The following GABRD variants were observed in gnomAD, a reference collection of about 807,000 sequenced individuals.
GABRD encodes gamma-aminobutyric acid type A receptor subunit delta, also known as gamma-aminobutyric acid receptor subunit delta.
Under a neutral mutation model 47.3 loss-of-function variants are expected in GABRD, and 25 were observed. That is an observed-to-expected ratio of 0.53 (90% CI 0.39 to 0.74). The LOEUF is 0.74. Among genes scored for constraint, GABRD ranks in the 30% least tolerant of loss-of-function variants. The probability of loss-of-function intolerance (pLI) is 0.00; values close to 1 mark genes in which losing one functional copy is unlikely to be tolerated. For missense variants in GABRD, 497 were observed against 643.4 expected, an observed-to-expected ratio of 0.77 and a Z score of 2.46; for synonymous variants, 314 against 278.8, an observed-to-expected ratio of 1.13 and a Z score of -1.26.
In GABRD at chr1:2,030,348, G is replaced by A. The variant is rs1659056565; in HGVS notation, c.*66G>A. 2 of 1,409,960 alleles carry A rather than the reference G, an allele frequency of 1.4e-6. No individual in the cohort carries two copies. The highest frequency in any genetic ancestry group is 1.9e-6 in the Non-Finnish European group (2 of 1,059,144). 87.3% of individuals were successfully genotyped at this position (1,409,960 alleles called of 1,614,324 possible). On this transcript the variant is annotated 3_prime_UTR_variant, in exon 9 of 9. Coordinates refer to ENST00000378585, the MANE Select transcript of GABRD (RefSeq NM_000815.5). ...CGGCAGCTGCCCAGAAACTTCCTGGGAGAAAGAGCCCTCGGGCTGCCTTCC... is the reference window on the plus strand; with the variant it reads ...CGGCAGCTGCCCAGAAACTTCCTGGAAGAAAGAGCCCTCGGGCTGCCTTCC...
intron 7 of GABRD, 79 bp from the exon 8 acceptor site, chr1:2,029,472 C>T (rs1442414046): frequency 8.9e-6 from 14 of 1,566,702 alleles, no homozygotes; most frequent in East Asian, 4.5e-5. Flanking sequence ...GACCCTCATC[C>T]GTGGGTCACA....
Position 2,029,612 on chromosome 1 carries a change from G to T in GABRD, c.909G>T (p.Arg303=). Residue 303 remains arginine, a synonymous_variant, in exon 8 of 9, where the codon CGG becomes CGT. Transcript: ENST00000378585. Reference sequence around the variant, plus strand: ...TCAGTGCCCGCTCCTCCCTGCCACGGGCATCAGCCATCAAGGCACTGGACG... The same window carrying T: ...TCAGTGCCCGCTCCTCCCTGCCACGTGCATCAGCCATCAAGGCACTGGACG... ...LMVSARSSLP[R]ASAIKALDVY... 1 of 1,613,274 alleles carries T rather than the reference G, an allele frequency of 6.2e-7. No homozygotes were observed. Among genetic ancestry groups the T allele is most frequent in the Non-Finnish European group, 8.5e-7 (1 of 1,180,002 alleles).
In GABRD at chr1:2,028,406, C is replaced by A; in HGVS notation, c.691+114C>A. On this transcript the variant is annotated intron_variant, in intron 6 of 8. Transcript: ENST00000378585. This position sits in a 1 kb window ranked among gnomAD's most constrained non-coding sequence, Gnocchi z 6.4. ...TCCGCGTGCGCCCGCCTGTGGTTTTCATGCTTTTTAGTCAAGCGCCCGCAG... is the reference window on the plus strand; with the variant it reads ...TCCGCGTGCGCCCGCCTGTGGTTTTAATGCTTTTTAGTCAAGCGCCCGCAG... The A allele has an allele frequency of 8.3e-7, 1 of 1,208,666 alleles. No homozygotes were observed. The highest frequency in any genetic ancestry group is 2.2e-5 in the South Asian group (1 of 44,644). 74.9% of individuals were successfully genotyped at this position (1,208,666 alleles called of 1,614,324 possible).
Position 2,028,402 on chromosome 1 carries a change from T to C in GABRD, c.691+110T>C, listed in dbSNP as rs925005968. 1.2e-5 allele frequency: 14 copies of C among 1,208,330 alleles called. No individual in the cohort carries two copies. The highest frequency in any genetic ancestry group is 1.5e-5 in the Non-Finnish European group (14 of 943,034). The allele number at this position is 1,208,330 out of a possible 1,614,324, so 74.9% of individuals were successfully genotyped here. On this transcript the variant is annotated intron_variant, in intron 6 of 8. Transcript: ENST00000378585. This position sits in a 1 kb window ranked among gnomAD's most constrained non-coding sequence, Gnocchi z 6.4. ...CCCTTCCGCGTGCGCCCGCCTGTGG[T>C]TTTCATGCTTTTTAGTCAAGCGCCC...
Position 2,019,413 on chromosome 1 carries a change from C to G in GABRD, c.-11C>G, listed in dbSNP as rs1313308604. 16 of 1,078,050 alleles carry G rather than the reference C, an allele frequency of 1.5e-5. No individual in the cohort carries two copies. The highest frequency in any genetic ancestry group is 1.7e-5 in the Non-Finnish European group (15 of 891,586). The allele number at this position is 1,078,050 out of a possible 1,614,324, so 66.8% of individuals were successfully genotyped here. A position where few individuals can be genotyped will look rare whatever the true frequency, so the allele number is the denominator to read the frequency against. On this transcript the variant is annotated 5_prime_UTR_variant, in exon 1 of 9. Transcript: ENST00000378585. ...AGTTTGCGCGGACCCCGTCCCGAGC[C>G]CGCCGCGGCCATGGACGCGCCCGCC...
At position 2,027,566 on chromosome 1, in the gene GABRD, T is replaced by A. The variant is rs1231423415; in HGVS notation, c.471-11T>A. The stretch of plus-strand genomic sequence containing the variant: ...ACCCCCAAGGCCTCACTGCCATGCT[T>A]GTCTTGGCAGAATCACCTCCACTGT... On this transcript the variant is annotated splice_polypyrimidine_tract_variant and intron_variant, in intron 4 of 8. Coordinates refer to ENST00000378585, the MANE Select transcript of GABRD (RefSeq NM_000815.5). 1.2e-6 allele frequency: 2 copies of A among 1,611,888 alleles called. No individual in the cohort carries two copies. The highest frequency in any genetic ancestry group is 1.7e-6 in the Non-Finnish European group (2 of 1,178,916).
intron 1 of GABRD, among the ~76,000 whole-genome samples, chr1:2,021,964 C>T (rs1205321757): frequency 1.3e-5 from 2 of 152,158 alleles, no homozygotes; most frequent in East Asian, 3.9e-4. Flanking sequence ...GGCCAGGTGA[C>T]CCATGGAGAG....
At chr1:2,027,939 G>C in intron 5 of GABRD, 2 of 616,974 alleles carry the variant, frequency 3.2e-6, no homozygotes, top group East Asian at 5.5e-5. Flanking sequence ...TGTGTCACCT[G>C]ACAACGGTGA....
intron 4 of GABRD, 184 bp from the exon 5 acceptor site, chr1:2,027,393 G>T: frequency 1.5e-6 from 1 of 656,946 alleles, no homozygotes; most frequent in Non-Finnish European, 2.8e-6. Flanking sequence ...CGGTCCTAAA[G>T]GAATACTTGA....
At position 2,028,019 on chromosome 1, in the gene GABRD, C is replaced by T. The variant is rs1571030627; in HGVS notation, c.554-136C>T. ...TCCCAGAGCCGAAGGTCTCCTCGCT[C>T]CTGGCTGGGGTCCTGCTCGGTCCCC... is the stretch of plus-strand genomic sequence containing the variant. On this transcript the variant is annotated intron_variant, in intron 5 of 8. Coordinates refer to ENST00000378585, the MANE Select transcript of GABRD (RefSeq NM_000815.5). This position sits in a 1 kb window ranked among gnomAD's most constrained non-coding sequence, Gnocchi z 6.4. 9.9e-6 allele frequency: 10 copies of T among 1,005,704 alleles called. No homozygotes were observed. The highest frequency in any genetic ancestry group is 1.6e-5 in the African/African-American group (1 of 61,598). The allele number at this position is 1,005,704 out of a possible 1,614,324, so 62.3% of individuals were successfully genotyped here. A position where few individuals can be genotyped will look rare whatever the true frequency, so the allele number is the denominator to read the frequency against.
At chr1:2,029,818 C>G (rs1030990864) in intron 8 of GABRD, 56 bp downstream of exon 8, 3 of 1,533,624 alleles carry the variant, frequency 2.0e-6, no homozygotes. Context: ...AACCAGGACC[C>G]TTCAGCTGCC....
Position 2,029,688 on chromosome 1 carries a change from G to T in GABRD, c.985G>T (p.Ala329Ser). Residue 329 changes from alanine (A) to serine (S), a missense_variant, in exon 8 of 9, where the codon GCC becomes TCC. By Grantham distance (99) the Ala-to-Ser change is moderately conservative. Around this residue, in one of 3 missense-constraint regions of GABRD, gnomAD observed 285 missense variants for 436.6 expected, o/e 0.65. Transcript: ENST00000378585. ...CGTGTTTGCCGCCCTGGTGGAGTAC[G>T]CCTTTGCTCATTTCAACGCCGACTA... ...VFVFAALVEYAFAHFNADYRK... is the reference protein window; with the variant it reads ...VFVFAALVEYSFAHFNADYRK... 1 of 1,613,584 alleles carries T rather than the reference G, an allele frequency of 6.2e-7. No individual in the cohort carries two copies. The highest frequency in any genetic ancestry group is 8.5e-7 in the Non-Finnish European group (1 of 1,180,028).
chr1:2,023,282 C>G (rs965772639), intron 1 of GABRD, among the ~76,000 whole-genome samples: 1 of 151,934 alleles, frequency 6.6e-6, no homozygotes, highest in Non-Finnish European at 1.5e-5. Flanking sequence ...GAGAGACAGA[C>G]AAGCAGAGTA....
chr1:2,030,102 G>A lies in GABRD; in HGVS notation c.1179G>A (p.Ser393=), dbSNP rs775835877. ...GGAACCTGATGGGCTCCTACAGGTCGGTGGGGGTGGAGACAGGGGAGACGA... is the reference window on the plus strand; with the variant it reads ...GGAACCTGATGGGCTCCTACAGGTCAGTGGGGGTGGAGACAGGGGAGACGA... ...VPGNLMGSYR[S]VGVETGETKK... Residue 393 remains serine (S), a synonymous_variant, in exon 9 of 9, where the codon TCG becomes TCA. Transcript: ENST00000378585. The A allele has an allele frequency of 1.5e-5, 24 of 1,594,328 alleles. No homozygotes were observed. The highest frequency in any genetic ancestry group is 9.0e-5 in the South Asian group (8 of 88,592).
Position 2,028,261 on chromosome 1 carries a change from C to G in GABRD, c.660C>G (p.Arg220=). Residue 220 remains arginine (R), a synonymous_variant, in exon 6 of 9, where the codon CGC becomes CGG. Transcript: ENST00000378585. The surrounding 1 kb of genome is among the most constrained non-coding windows in gnomAD (Gnocchi z 6.4). ...QLAQFTITSY[R]FTTELMNFKS... ...CGCAGTTCACCATCACCAGCTACCG[C>G]TTCACCACGGAGCTGATGAACTTCA... 1.2e-6 allele frequency: 2 copies of G among 1,612,144 alleles called. No homozygotes were observed. The highest frequency in any genetic ancestry group is 1.7e-6 in the Non-Finnish European group (2 of 1,179,700).
rs773177029 is a variant in GABRD, at chr1:2,028,328, G to GCCGCCCCTTCCGCGCGCGCCCA, written c.691+73_691+94dup. 74 of 1,580,724 alleles carry GCCGCCCCTTCCGCGCGCGCCCA rather than the reference G, an allele frequency of 4.7e-5. 2 individuals carry two copies. Among genetic ancestry groups the GCCGCCCCTTCCGCGCGCGCCCA allele is most frequent in the African/African-American group, 2.3e-4 (17 of 73,240 alleles). On this transcript the variant is annotated intron_variant, in intron 6 of 8. Transcript: ENST00000378585. The surrounding 1 kb of genome is among the most constrained non-coding windows in gnomAD (Gnocchi z 6.4). ...CCCGCCGCCCCTTCCGCATGTGCCC[G>GCCGCCCCTTCCGCGCGCGCCCA]CCGCCCCTTCCGCGCGCGCCCACCG...
chr1:2,025,357 G>T lies in GABRD; in HGVS notation c.205G>T (p.Ala69Ser). Residue 69 changes from alanine (A) to serine (S), a missense_variant, in exon 3 of 9, where the codon GCC (alanine) becomes TCC (serine). Coordinates refer to ENST00000378585, the MANE Select transcript of GABRD (RefSeq NM_000815.5). ...IGGPPVNVAL[A>S]LEVASIDHIS... is the part of the protein sequence containing the mutation. ...AGGCCCCCCCGTGAATGTGGCCCTT[G>T]CCCTGGAGGTGGCCAGCATCGACCA... 6.2e-7 allele frequency: 1 copy of T among 1,613,118 alleles called. No individual in the cohort carries two copies. The highest frequency in any genetic ancestry group is 8.5e-7 in the Non-Finnish European group (1 of 1,179,988).
intron 5 of GABRD, 84 bp downstream of exon 5, chr1:2,027,743 G>A: frequency 7.9e-7 from 1 of 1,269,296 alleles, no homozygotes; most frequent in Non-Finnish European, 1.1e-6. Context: ...GGACAAGGCT[G>A]GCCCGGCTCA....
At position 2,028,394 on chromosome 1, in the gene GABRD, G is replaced by C; in HGVS notation, c.691+102G>C. On this transcript the variant is annotated intron_variant, in intron 6 of 8. Coordinates refer to ENST00000378585, the MANE Select transcript of GABRD (RefSeq NM_000815.5). The surrounding 1 kb of genome is among the most constrained non-coding windows in gnomAD (Gnocchi z 6.4). ...CCCACCGCCCCTTCCGCGTGCGCCC[G>C]CCTGTGGTTTTCATGCTTTTTAGTC... 1 of 1,238,902 alleles carries C rather than the reference G, an allele frequency of 8.1e-7. No homozygotes were observed. The highest frequency in any genetic ancestry group is 1.0e-6 in the Non-Finnish European group (1 of 967,740). 76.7% of individuals were successfully genotyped at this position (1,238,902 alleles called of 1,614,324 possible). A position where few individuals can be genotyped will look rare whatever the true frequency, so the allele number is the denominator to read the frequency against.
Sources: allele counts gnomAD v4.1 joint callset (sites outside exome capture counted in the v4.1 genomes callset), GRCh38; gene constraint gnomAD v4.1.1; regional missense constraint gnomAD v4.1.1; non-coding constraint Gnocchi (gnomAD v3.1); transcripts MANE v1.5; gene names NCBI Gene and HGNC (gene_info 2026-07-23, HGNC 2026-07-21).